The following AGBL1 variants were observed in gnomAD, a reference collection of about 807,000 sequenced individuals.
The protein encoded by AGBL1 is cytosolic carboxypeptidase 4.
Under a neutral mutation model 118.9 loss-of-function variants are expected in AGBL1, and 130 were observed. The ratio of observed to expected loss-of-function variants is 1.09; its 90% confidence interval spans 0.95 to 1.26. The LOEUF (loss-of-function observed/expected upper bound fraction) is 1.26, where lower values mean the gene tolerates loss of function less well. Among genes scored for constraint, AGBL1 ranks in the 50% most tolerant of loss-of-function variants. AGBL1 has a pLI of 0.00. For synonymous variants in AGBL1, 555 were observed against 478.9 expected, an observed-to-expected ratio of 1.16 and a Z score of -2.08; for missense variants, 1,584 against 1,298.1, an observed-to-expected ratio of 1.22 and a Z score of -3.38.
At chr15:86,746,929 A>G (rs1296915674) in intron 22 of AGBL1, among the ~76,000 whole-genome samples, 4 of 152,100 alleles carry the variant, frequency 2.6e-5, no homozygotes, top group African/African-American at 9.7e-5. Context: ...ATCATAGATT[A>G]CCTTCTGATA....
intron 5 of AGBL1, among the ~76,000 whole-genome samples, chr15:86,223,182 C>G (rs2078305982): frequency 6.6e-6 from 1 of 152,106 alleles, no homozygotes; most frequent in South Asian, 2.1e-4. Flanking sequence ...ACTAGTCTGT[C>G]TCATAAAACC....
At chr15:86,380,204 T>C (rs930774809) in intron 17 of AGBL1, among the ~76,000 whole-genome samples, 3 of 150,972 alleles carry the variant, frequency 2.0e-5, no homozygotes, top group Non-Finnish European at 4.4e-5. Context: ...GGACCCAGAG[T>C]TCCCTTCCTC....
Position 86,093,820 on chromosome 15 carries a change from G to A in AGBL1, c.51+13797G>A, listed in dbSNP as rs116971738. Among the ~76,000 whole-genome samples, 341 of 152,260 alleles carry A rather than the reference G, an allele frequency of 2.2e-3. 15 individuals carry two copies. The South Asian group carries it at 0.067, about 30-fold the overall frequency. ...TACATTTAATTGGAGTTCTGGAAGG[G>A]AAGCAGAGAATGAGGCAGCAACAAT... On this transcript the variant is annotated intron_variant, in intron 1 of 22. Coordinates refer to ENST00000614907, the MANE Select transcript of AGBL1 (RefSeq NM_001386094.1).
intron 19 of AGBL1, among the ~76,000 whole-genome samples, chr15:86,539,385 A>G (rs4561432): frequency 0.6 from 91,529 of 151,910 alleles, 28,006 homozygotes; most frequent in East Asian, 0.87. Flanking sequence ...TCTTTTCTTT[A>G]TATACTTATA....
chr15:86,710,853 C>A (rs1304100846), intron 22 of AGBL1, among the ~76,000 whole-genome samples: 1 of 152,134 alleles, frequency 6.6e-6, no homozygotes, highest in African/African-American at 2.4e-5. Flanking sequence ...TTAGCACTGC[C>A]AATTACTGAC....
At chr15:86,559,602 T>G (rs1469436051) in intron 21 of AGBL1, among the ~76,000 whole-genome samples, 1 of 152,220 alleles carries the variant, frequency 6.6e-6, no homozygotes, top group East Asian at 1.9e-4. Flanking sequence ...TCATACTTAT[T>G]GTGTGCTAAG....
chr15:86,141,978 T>A, intron 1 of AGBL1, 26 bp from the exon 2 acceptor site: 1 of 1,547,392 alleles, frequency 6.5e-7, no homozygotes, highest in Non-Finnish European at 8.7e-7. Flanking sequence ...CATTCTTAAA[T>A]ATGGCTGCCT....
At chr15:86,956,180 G>A (rs1022018399) in intron 23 of AGBL1, among the ~76,000 whole-genome samples, 3 of 151,592 alleles carry the variant, frequency 2.0e-5, no homozygotes, top group Non-Finnish European at 4.4e-5. Context: ...AACAGAACCG[G>A]TAGGATTTAG....
chr15:86,560,610 C>G (rs575364462), intron 21 of AGBL1, among the ~76,000 whole-genome samples: 6 of 152,156 alleles, frequency 3.9e-5, no homozygotes, highest in Non-Finnish European at 7.4e-5. Context: ...ACATGTGCAT[C>G]TGTCTTTATA....
At chr15:86,786,417 G>A (rs551078135) in intron 22 of AGBL1, among the ~76,000 whole-genome samples, 6 of 152,030 alleles carry the variant, frequency 3.9e-5, no homozygotes, top group East Asian at 1.9e-4. Context: ...TCATCAATAC[G>A]TACAAAGGAT....
chr15:86,233,657 C>T (rs2078492268), intron 6 of AGBL1, among the ~76,000 whole-genome samples: 1 of 152,226 alleles, frequency 6.6e-6, no homozygotes, highest in African/African-American at 2.4e-5. Context: ...TGGGCTGACA[C>T]TTTCCTTGGG....
At chr15:86,735,145 G>A (rs12913812) in intron 22 of AGBL1, among the ~76,000 whole-genome samples, 90,928 of 151,804 alleles carry the variant, frequency 0.6, 28,778 homozygotes, top group East Asian at 0.79. Flanking sequence ...GCAGTGGCGC[G>A]ATCTTGGCTC....
chr15:87,026,747 C>T (rs2081731198), intron 24 of AGBL1, among the ~76,000 whole-genome samples: 1 of 152,014 alleles, frequency 6.6e-6, no homozygotes, highest in South Asian at 2.1e-4. Context: ...AAATGCCCAT[C>T]AATTGATAAG....
At chr15:86,662,986 G>A (rs763310347) in intron 21 of AGBL1, among the ~76,000 whole-genome samples, 31 of 152,190 alleles carry the variant, frequency 2.0e-4, no homozygotes, top group Admixed American at 7.9e-4. Flanking sequence ...CAAGAACACT[G>A]GATGGACTTG....
At chr15:86,625,249 G>T (rs1438719496) in intron 21 of AGBL1, among the ~76,000 whole-genome samples, 1 of 152,012 alleles carries the variant, frequency 6.6e-6, no homozygotes, top group Non-Finnish European at 1.5e-5. Context: ...AAATGAAGGT[G>T]GATCCTTTCA....
Position 86,701,645 on chromosome 15 carries a change from CT to C in AGBL1, c.3158+27210del, listed in dbSNP as rs765142402. Among the ~76,000 whole-genome samples the C allele has an allele frequency of 9.4e-5, 14 of 148,500 alleles. 1 individual carries two copies. Among genetic ancestry groups the C allele is most frequent in the Admixed American group, 3.3e-4 (5 of 14,986 alleles). On this transcript the variant is annotated intron_variant, in intron 22 of 22. Coordinates refer to ENST00000614907, the MANE Select transcript of AGBL1 (RefSeq NM_001386094.1). Reference sequence around the variant, plus strand: ...AACATGTCTCCTCTCCTCTCCTCCCCTCCCCTCCCCTCTCCATTTTTTCCCT... The same window carrying C: ...AACATGTCTCCTCTCCTCTCCTCCCCCCCCTCCCCTCTCCATTTTTTCCCT...
chr15:86,758,392 G>C (rs928820240), intron 22 of AGBL1, among the ~76,000 whole-genome samples: 2 of 151,920 alleles, frequency 1.3e-5, no homozygotes, highest in African/African-American at 4.8e-5. Context: ...GAGTAGTTTG[G>C]GCTATTATAT....
chr15:86,889,763 C>T (rs1359855076), intron 22 of AGBL1, among the ~76,000 whole-genome samples: 4 of 152,084 alleles, frequency 2.6e-5, no homozygotes, highest in Admixed American at 1.3e-4. Context: ...ACATGGTGTA[C>T]GTGTACCACA....
intron 19 of AGBL1, among the ~76,000 whole-genome samples, chr15:86,523,598 A>T (rs2083219679): frequency 1.3e-5 from 2 of 152,140 alleles, no homozygotes; most frequent in Admixed American, 1.3e-4. Flanking sequence ...CCATATCCTG[A>T]GTCTTCATTT....
Sources: allele counts gnomAD v4.1 joint callset (sites outside exome capture counted in the v4.1 genomes callset), GRCh38; gene constraint gnomAD v4.1.1; transcripts MANE v1.5; gene names NCBI Gene and HGNC (gene_info 2026-07-23, HGNC 2026-07-21).